Variants in PCDH11Y observed in about 807,000 individuals in gnomAD.
PCDH11Y encodes protocadherin-11 Y-linked.
For missense variants in PCDH11Y, 12 were observed against 224.8 expected (o/e 0.05, Z 6.05); for synonymous variants, 9 against 83.6 (o/e 0.11, Z 4.87).
intron 2 of PCDH11Y, among the ~76,000 whole-genome samples, chrY:5,243,308 C>T: frequency 1.2e-4 from 4 of 33,534 alleles, no homozygotes; most frequent in Admixed American, 5.4e-4. Flanking sequence ...TGCATGTGTA[C>T]ACACACACAT....
intron 4 of PCDH11Y, among the ~76,000 whole-genome samples, chrY:5,652,549 C>T (rs2124706289): frequency 3.1e-5 from 1 of 32,678 alleles, no homozygotes; most frequent in African/African-American, 1.2e-4. Flanking sequence ...AAATGTCCTA[C>T]TTAACATAAA....
intron 2 of PCDH11Y, among the ~76,000 whole-genome samples, chrY:5,249,669 C>T: frequency 3.1e-5 from 1 of 32,655 alleles, no homozygotes; most frequent in Admixed American, 2.8e-4. Flanking sequence ...AAAGCAATTG[C>T]AACAAAAGCC....
chrY:5,718,197 T>C, intron 4 of PCDH11Y, among the ~76,000 whole-genome samples: 1 of 33,182 alleles, frequency 3.0e-5, no homozygotes, highest in Non-Finnish European at 7.4e-5. Context: ...AGGATGACTA[T>C]AGTCAATAAT....
intron 4 of PCDH11Y, among the ~76,000 whole-genome samples, chrY:5,611,716 C>G (rs2053487025): frequency 3.5e-5 from 1 of 28,450 alleles, no homozygotes; most frequent in Non-Finnish European, 8.4e-5. Flanking sequence ...TCGAGCTTCC[C>G]GGCTGCTTTG....
At chrY:5,697,815 A>G in intron 4 of PCDH11Y, among the ~76,000 whole-genome samples, 1 of 30,065 alleles carries the variant, frequency 3.3e-5, no homozygotes, top group African/African-American at 1.3e-4. Context: ...GCCCATTTAC[A>G]TTTAAGTTTA....
chrY:5,008,452 G>C (rs2052542728), intron 1 of PCDH11Y, among the ~76,000 whole-genome samples: 1 of 32,197 alleles, frequency 3.1e-5, no homozygotes, highest in Non-Finnish European at 7.6e-5. Flanking sequence ...GTGAGAGCAG[G>C]GGTTTATTTA....
intron 2 of PCDH11Y, among the ~76,000 whole-genome samples, chrY:5,286,358 A>AT (rs2053060457): frequency 3.1e-5 from 1 of 32,027 alleles, no homozygotes; most frequent in East Asian, 8.3e-4. Context: ...ATTTGGGTTG[A>AT]TTTTTTTGTT....
At chrY:5,699,630 C>T in intron 4 of PCDH11Y, among the ~76,000 whole-genome samples, 1 of 33,112 alleles carries the variant, frequency 3.0e-5, no homozygotes, top group African/African-American at 1.2e-4. Context: ...GAATTTCTTC[C>T]GGTCCAAGCA....
At chrY:5,109,250 G>C, downstream of PCDH11Y, among the ~76,000 whole-genome samples, 1 of 32,917 alleles carries the variant, frequency 3.0e-5, no homozygotes, top group Non-Finnish European at 7.5e-5. Context: ...TGACATCTTT[G>C]GTTTAATGTA....
intron 2 of PCDH11Y, among the ~76,000 whole-genome samples, chrY:5,140,853 T>TA (rs2052847627): frequency 3.1e-5 from 1 of 32,268 alleles, no homozygotes; most frequent in Non-Finnish European, 7.6e-5. Flanking sequence ...TTTTTTTTTT[T>TA]TTATTATTAT....
At chrY:5,150,231 G>A in intron 2 of PCDH11Y, among the ~76,000 whole-genome samples, 1 of 32,342 alleles carries the variant, frequency 3.1e-5, no homozygotes, top group Non-Finnish European at 7.6e-5. Flanking sequence ...ACATAGTAAC[G>A]TTGCAATACA....
chrY:5,411,497 A>T, intron 2 of PCDH11Y, among the ~76,000 whole-genome samples: 1 of 31,402 alleles, frequency 3.2e-5, no homozygotes, highest in Non-Finnish European at 7.6e-5. Context: ...CTCTGTTATA[A>T]AATCTTTGCC....
intron 2 of PCDH11Y, among the ~76,000 whole-genome samples, chrY:5,490,959 G>C (rs2124686912): frequency 5.9e-5 from 2 of 34,112 alleles, no homozygotes; most frequent in African/African-American, 2.3e-4. Flanking sequence ...GCCCATGGCT[G>C]CCTCAGCCCC....
At chrY:5,244,672 C>T (rs2124655997) in intron 2 of PCDH11Y, among the ~76,000 whole-genome samples, 2 of 34,162 alleles carry the variant, frequency 5.9e-5, no homozygotes, top group East Asian at 1.6e-3. Flanking sequence ...GCCTAAGGCC[C>T]CAACCACGGA....
chrY:5,644,036 A>G, intron 4 of PCDH11Y, among the ~76,000 whole-genome samples: 4 of 32,938 alleles, frequency 1.2e-4, no homozygotes, highest in Non-Finnish European at 2.2e-4. Flanking sequence ...GTATGTGTAT[A>G]GTAATACCTA....
intron 2 of PCDH11Y, among the ~76,000 whole-genome samples, chrY:5,469,755 A>C: frequency 2.9e-5 from 1 of 34,184 alleles, no homozygotes; most frequent in African/African-American, 1.1e-4. Flanking sequence ...AAGGTAAATA[A>C]TCATTAGATA....
intron 2 of PCDH11Y, among the ~76,000 whole-genome samples, chrY:5,243,927 GATAGACATCTA>G (rs2052991832): frequency 3.2e-5 from 1 of 31,314 alleles, no homozygotes. Flanking sequence ...AAGTGGACCT[GATAGACATCTA>G]CAGAAAGTTC....
At chrY:5,571,538 C>T in intron 3 of PCDH11Y, among the ~76,000 whole-genome samples, 1 of 29,494 alleles carries the variant, frequency 3.4e-5, no homozygotes, top group Non-Finnish European at 8.1e-5. Flanking sequence ...AATATAAGTA[C>T]TTCTCAAATG....
intron 2 of PCDH11Y, among the ~76,000 whole-genome samples, chrY:5,407,787 C>T (rs2053241117): frequency 9.7e-5 from 3 of 30,847 alleles, no homozygotes; most frequent in Non-Finnish European, 2.4e-4. Flanking sequence ...TGGTGGCGGG[C>T]GCCTGTAGTC....
Sources: allele counts gnomAD v4.1 joint callset (sites outside exome capture counted in the v4.1 genomes callset), GRCh38; gene constraint gnomAD v4.1.1; transcripts MANE v1.5; gene names NCBI Gene and HGNC (gene_info 2026-07-23, HGNC 2026-07-21).